Variants in WIF1 observed in about 807,000 individuals in gnomAD.
WIF1 encodes Wnt inhibitory factor 1.
Under a neutral mutation model 53.5 loss-of-function variants are expected in WIF1, and 35 were observed. That is an observed-to-expected ratio of 0.65 (90% confidence interval 0.50 to 0.87). The LOEUF is 0.87. Ranked by LOEUF, WIF1 falls within the 40% of genes least tolerant of loss-of-function variation. The pLI, the probability that WIF1 is intolerant of heterozygous loss-of-function variation, is 0.00. For missense variants in WIF1, 467 were observed against 476.8 expected (o/e 0.98, Z 0.19); for synonymous variants, 171 against 170.4 (o/e 1.00, Z -0.03).
chr12:65,079,979 A>G (rs1305176587), intron 2 of WIF1, among the ~76,000 whole-genome samples: 1 of 152,164 alleles, frequency 6.6e-6, no homozygotes, highest in African/African-American at 2.4e-5. Flanking sequence ...TATAAAATTT[A>G]TTTTACAACA....
At chr12:65,116,523 T>A (rs576037846) in intron 2 of WIF1, among the ~76,000 whole-genome samples, 1 of 152,184 alleles carries the variant, frequency 6.6e-6, no homozygotes, top group Non-Finnish European at 1.5e-5. Context: ...TTCCACATTA[T>A]GGCGAGTTGT....
chr12:65,094,591 T>C (rs1385948862), intron 2 of WIF1, among the ~76,000 whole-genome samples: 1 of 152,190 alleles, frequency 6.6e-6, no homozygotes, highest in Non-Finnish European at 1.5e-5. Context: ...CAGAATTTTC[T>C]GATCTATCTA....
chr12:65,115,569 T>C (rs537492706), intron 2 of WIF1, among the ~76,000 whole-genome samples: 2 of 152,278 alleles, frequency 1.3e-5, no homozygotes, highest in South Asian at 4.1e-4. Flanking sequence ...TACAGAAAAA[T>C]AATAAAGCAT....
chr12:65,083,859 T>TTCTTTTCTTTTCTTTTCTTTTCTTG, intron 2 of WIF1: 1 of 417,760 alleles, frequency 2.4e-6, no homozygotes, highest in Admixed American at 2.6e-5. Context: ...TTCTTTTCTT[T>TTCTTTTCTTTTCTTTTCTTTTCTTG]TATTTGCACC....
intron 6 of WIF1, among the ~76,000 whole-genome samples, chr12:65,064,404 G>A (rs1882657422): frequency 1.3e-5 from 2 of 152,186 alleles, no homozygotes; most frequent in Non-Finnish European, 2.9e-5. Context: ...GGCCCCACTG[G>A]CCAGTGCTAA....
chr12:65,119,200 G>A (rs1565763100), intron 2 of WIF1, among the ~76,000 whole-genome samples: 1 of 152,136 alleles, frequency 6.6e-6, no homozygotes, highest in Non-Finnish European at 1.5e-5. Flanking sequence ...CTATGAAGAG[G>A]GACTTGTAGG....
chr12:65,065,410 C>T (rs1882673287), intron 6 of WIF1, among the ~76,000 whole-genome samples: 2 of 152,082 alleles, frequency 1.3e-5, no homozygotes, highest in Admixed American at 1.3e-4. Context: ...ATAAACCTCA[C>T]TTTGCTTATC....
chr12:65,053,271 A>G (rs1326310583), intron 9 of WIF1, among the ~76,000 whole-genome samples: 2 of 152,172 alleles, frequency 1.3e-5, no homozygotes, highest in African/African-American at 2.4e-5. Flanking sequence ...TCAACCATCC[A>G]GTTAATTCAG....
At chr12:65,106,899 TAAAAG>T (rs1883360793) in intron 2 of WIF1, among the ~76,000 whole-genome samples, 1 of 152,200 alleles carries the variant, frequency 6.6e-6, no homozygotes, top group Admixed American at 6.5e-5. Flanking sequence ...AGCAATTACT[TAAAAG>T]AAAAAGAATA....
intron 2 of WIF1, among the ~76,000 whole-genome samples, chr12:65,081,445 T>C (rs1329173063): frequency 6.6e-6 from 1 of 152,162 alleles, no homozygotes; most frequent in African/African-American, 2.4e-5. Flanking sequence ...CTGAGAAGCA[T>C]GGAATCTGTT....
At chr12:65,055,993 C>T in intron 8 of WIF1, 38 bp downstream of exon 8, 1 of 1,585,938 alleles carries the variant, frequency 6.3e-7, no homozygotes, top group Non-Finnish European at 8.6e-7. Context: ...GTTTAACGAC[C>T]TAGTAGCCCA....
chr12:65,070,746 C>T (rs1409635837), intron 3 of WIF1, among the ~76,000 whole-genome samples: 2 of 152,104 alleles, frequency 1.3e-5, no homozygotes, highest in Non-Finnish European at 2.9e-5. Context: ...TAAAAAGGCC[C>T]TTCAGTTTTA....
rs147528205 is a variant in WIF1, at chr12:65,055,155, T to C, written c.981A>G (p.Gln327=). The C allele has an allele frequency of 9.4e-4, 1,512 of 1,614,194 alleles. 3 individuals carry two copies. Among genetic ancestry groups the C allele is most frequent in the Admixed American group, 1.5e-3 (92 of 60,022 alleles). Residue 327 remains glutamine (Q), a synonymous_variant, in exon 9 of 10, where the codon CAA becomes CAG. Coordinates refer to ENST00000286574, the MANE Select transcript of WIF1 (RefSeq NM_007191.5). ...GTCTTCCATGCCAACCTTCTTGACA[T>C]TGGCATTTGTTGGGTTCATGGCAGG... ...HGTCHEPNKC[Q]CQEGWHGRHC...
chr12:65,104,182 C>T (rs934412211), intron 2 of WIF1, among the ~76,000 whole-genome samples: 3 of 152,016 alleles, frequency 2.0e-5, no homozygotes, highest in Admixed American at 6.6e-5. Context: ...CATATATGCC[C>T]GTTCTTATTA....
rs1351443550 is a variant in WIF1, at chr12:65,066,625, A to C, written c.730+16T>G. ...TAAAAGTAAAAATAACTTTCTTCTT[A>C]AAAAGAAACTGTTACCTTTGTCACA... On this transcript the variant is annotated intron_variant, in intron 6 of 9. Transcript: ENST00000286574. 1.1e-5 allele frequency: 17 copies of C among 1,585,652 alleles called. No homozygotes were observed. Among genetic ancestry groups the C allele is most frequent in the Non-Finnish European group, 1.5e-5 (17 of 1,168,724 alleles).
chr12:65,060,033 A>AC (rs536681304), intron 7 of WIF1, among the ~76,000 whole-genome samples: 29 of 151,826 alleles, frequency 1.9e-4, no homozygotes, highest in East Asian at 1.2e-3. Flanking sequence ...TAAAAAAAAA[A>AC]CAAAAAACAA....
At chr12:65,085,447 AAGTTTC>A (rs1220092880) in intron 2 of WIF1, among the ~76,000 whole-genome samples, 1 of 152,174 alleles carries the variant, frequency 6.6e-6, no homozygotes, top group African/African-American at 2.4e-5. Flanking sequence ...TGGCCATTAA[AAGTTTC>A]AGATTTTGGA....
At chr12:65,056,180 T>G in intron 7 of WIF1, 54 bp from the exon 8 acceptor site, 2 of 1,528,960 alleles carry the variant, frequency 1.3e-6, no homozygotes, top group East Asian at 2.3e-5. Flanking sequence ...CATTCAGAGG[T>G]AATTACATTT....
intron 2 of WIF1, among the ~76,000 whole-genome samples, chr12:65,098,411 A>G (rs563767156): frequency 2.6e-5 from 4 of 152,260 alleles, no homozygotes; most frequent in Admixed American, 6.5e-5. Context: ...AAGAGATCAT[A>G]TGGGGAAGTG....
Sources: gnomAD v4.1 joint callset for allele counts (sites outside exome capture counted in the v4.1 genomes callset) on GRCh38, gnomAD v4.1.1 for gene constraint, MANE v1.5 for transcripts, NCBI Gene and HGNC (gene_info 2026-07-23, HGNC 2026-07-21) for gene names.